The following RABGAP1L variants were observed in gnomAD, a reference collection of about 807,000 sequenced individuals.
The protein encoded by RABGAP1L is RAB GTPase activating protein 1 like, also known as rab GTPase-activating protein 1-like.
RABGAP1L carries 63 observed loss-of-function variants against 137.7 expected under a neutral mutation model. The observed-to-expected ratio is 0.46, with a 90% CI of 0.37 to 0.56. The LOEUF (loss-of-function observed/expected upper bound fraction) is 0.56, where lower values mean the gene tolerates loss of function less well. RABGAP1L is among the 20% of genes least tolerant of loss of function. The pLI, the probability that RABGAP1L is intolerant of heterozygous loss-of-function variation, is 0.00. For synonymous variants in RABGAP1L, 431 were observed against 433.7 expected (o/e 0.99, Z 0.08); for missense variants, 1,095 against 1,244.0 (o/e 0.88, Z 1.80).
In RABGAP1L at chr1:174,962,997, G is replaced by A. The variant is rs533406358; in HGVS notation, c.2433+5448G>A. 2.0e-5 allele frequency among the ~76,000 whole-genome samples: 3 copies of A among 152,184 alleles called. No homozygotes were observed. The East Asian group carries it at 5.8e-4, about 29-fold the overall frequency. On this transcript the variant is annotated intron_variant, in intron 20 of 25. Transcript: ENST00000681986. ...ACCTGTAGTCCCAGCTACTCAGTAG[G>A]CTGAGGCAGGAGAACCTCTTGAACC...
intron 3 of RABGAP1L, among the ~76,000 whole-genome samples, chr1:174,230,224 A>G (rs1167169048): frequency 2.2e-5 from 3 of 138,622 alleles, no homozygotes; most frequent in African/African-American, 5.3e-5. Flanking sequence ...AGGAAGGGAA[A>G]CATCACACAC....
At chr1:174,716,435 C>G (rs1681018341) in intron 17 of RABGAP1L, among the ~76,000 whole-genome samples, 1 of 152,208 alleles carries the variant, frequency 6.6e-6, no homozygotes, top group Admixed American at 6.5e-5. Flanking sequence ...GTATGCGCCA[C>G]TGTACCCAGC....
rs544919031 is a variant in RABGAP1L at position 174,398,078 on chromosome 1, C to T, written c.1710+3933C>T. ...CCAAATTTGAAGCTTCCATCATTCTCACGGATATGTTACCCTCCTGGTATT... is the reference window on the plus strand; with the variant it reads ...CCAAATTTGAAGCTTCCATCATTCTTACGGATATGTTACCCTCCTGGTATT... On this transcript the variant is annotated intron_variant, in intron 13 of 25. Transcript: ENST00000681986. Among the ~76,000 whole-genome samples, 19 of 152,292 alleles carry T rather than the reference C, an allele frequency of 1.2e-4. No homozygotes were observed. The South Asian group carries it at 3.9e-3, about 32-fold the overall frequency.
Position 174,636,915 on chromosome 1 carries a change from C to T in RABGAP1L, c.1711-460C>T, listed in dbSNP as rs569017604. Among the ~76,000 whole-genome samples, 3 of 152,068 alleles carry T rather than the reference C, an allele frequency of 2.0e-5. No homozygotes were observed. In the South Asian group the frequency reaches 6.2e-4, roughly 32 times the overall value. On this transcript the variant is annotated intron_variant, in intron 13 of 25. Transcript: ENST00000681986. ...TTTGTTATATAAATAGAAAAAAATG[C>T]AAAGAAGATGGTCATTAATAGGAGA...
chr1:174,542,317 C>A (rs1665536034), intron 13 of RABGAP1L, among the ~76,000 whole-genome samples: 1 of 152,108 alleles, frequency 6.6e-6, no homozygotes, highest in African/African-American at 2.4e-5. Context: ...CTGGTTTAGT[C>A]TTCGGAGGGT....
intron 14 of RABGAP1L, among the ~76,000 whole-genome samples, chr1:174,639,687 G>T (rs1674365958): frequency 6.6e-6 from 1 of 151,828 alleles, no homozygotes; most frequent in African/African-American, 2.4e-5. Context: ...TTAACATTTT[G>T]CTCCATTGTA....
At chr1:174,570,009 T>C (rs950586127) in intron 13 of RABGAP1L, among the ~76,000 whole-genome samples, 13 of 152,216 alleles carry the variant, frequency 8.5e-5, no homozygotes, top group African/African-American at 2.9e-4. Flanking sequence ...GTAGTTATTA[T>C]GGAATGAAGT....
intron 4 of RABGAP1L, among the ~76,000 whole-genome samples, chr1:174,234,231 A>T (rs1466453962): frequency 3.9e-5 from 4 of 101,320 alleles, no homozygotes; most frequent in African/African-American, 1.2e-4. Context: ...GTTCACTCTG[A>T]TGGTAGTTTC....
intron 13 of RABGAP1L, among the ~76,000 whole-genome samples, chr1:174,418,182 A>T (rs2149154265): frequency 6.6e-6 from 1 of 152,326 alleles, no homozygotes; most frequent in South Asian, 2.1e-4. Context: ...GCAATGGATG[A>T]AAGCTGTACA....
intron 19 of RABGAP1L, among the ~76,000 whole-genome samples, chr1:174,867,587 A>C (rs1651494387): frequency 6.6e-6 from 1 of 151,998 alleles, no homozygotes; most frequent in Admixed American, 6.6e-5. Context: ...GTGGGAAAAA[A>C]CCTGAGCCTT....
At chr1:174,970,920 T>A (rs1185796464) in intron 21 of RABGAP1L, among the ~76,000 whole-genome samples, 1 of 151,982 alleles carries the variant, frequency 6.6e-6, no homozygotes, top group Non-Finnish European at 1.5e-5. Flanking sequence ...AGTATTTTTT[T>A]AAAAAATACT....
chr1:174,742,239 C>T (rs1021809223), intron 17 of RABGAP1L, among the ~76,000 whole-genome samples: 4 of 150,864 alleles, frequency 2.7e-5, no homozygotes, highest in African/African-American at 7.3e-5. Flanking sequence ...GAAAAGGGGG[C>T]CAGATGCGGT....
chr1:174,653,920 C>G (rs1675763071), intron 14 of RABGAP1L, among the ~76,000 whole-genome samples: 1 of 151,984 alleles, frequency 6.6e-6, no homozygotes, highest in African/African-American at 2.4e-5. Flanking sequence ...AGTTCAGATC[C>G]TCTGAGAAGC....
chr1:174,960,432 G>A (rs1427177213), intron 20 of RABGAP1L, among the ~76,000 whole-genome samples: 1 of 152,080 alleles, frequency 6.6e-6, no homozygotes, highest in Non-Finnish European at 1.5e-5. Flanking sequence ...TTATATCGCT[G>A]TAGTCACCTT....
At chr1:174,165,885 G>A (rs1189199637) in intron 1 of RABGAP1L, among the ~76,000 whole-genome samples, 2 of 152,134 alleles carry the variant, frequency 1.3e-5, no homozygotes, top group Non-Finnish European at 2.9e-5. Flanking sequence ...CTGGGCCAGG[G>A]GCCAGGGTGA....
In RABGAP1L at chr1:174,238,085, A is replaced by C. The variant is rs376201225; in HGVS notation, c.543-3398A>C. ...CATCGGCTCCTGAGGCTTCTGCATTATTCACGTAGTTCTCGAGCCTTGGTT... is the reference window on the plus strand; with the variant it reads ...CATCGGCTCCTGAGGCTTCTGCATTCTTCACGTAGTTCTCGAGCCTTGGTT... On this transcript the variant is annotated intron_variant, in intron 4 of 25. Transcript: ENST00000681986. 4.0e-3 allele frequency among the ~76,000 whole-genome samples: 604 copies of C among 152,016 alleles called. 3 individuals carry two copies. Among genetic ancestry groups the C allele is most frequent in the Middle Eastern group, 6.8e-3 (2 of 292 alleles).
chr1:174,802,364 T>C (rs1306652639), intron 18 of RABGAP1L, among the ~76,000 whole-genome samples: 1 of 152,194 alleles, frequency 6.6e-6, no homozygotes, highest in Non-Finnish European at 1.5e-5. Context: ...CCCAGCACTT[T>C]GGGAGGCTGA....
At chr1:174,652,385 G>A (rs1675589202) in intron 14 of RABGAP1L, among the ~76,000 whole-genome samples, 1 of 151,840 alleles carries the variant, frequency 6.6e-6, no homozygotes, top group African/African-American at 2.4e-5. Context: ...GAGGTGTTCT[G>A]GTTTTTGGAA....
intron 13 of RABGAP1L, among the ~76,000 whole-genome samples, chr1:174,552,044 T>A (rs1391305914): frequency 6.6e-6 from 1 of 152,156 alleles, no homozygotes; most frequent in African/African-American, 2.4e-5. Context: ...GAAAAAGAAA[T>A]CACCGTGTCA....
Sources: allele counts gnomAD v4.1 joint callset (sites outside exome capture counted in the v4.1 genomes callset), GRCh38; gene constraint gnomAD v4.1.1; transcripts MANE v1.5; gene names NCBI Gene and HGNC (gene_info 2026-07-23, HGNC 2026-07-21).